DST: variants seen among roughly 807,000 people sequenced by gnomAD.
The protein encoded by DST is dystonin.
Under a neutral mutation model 875.2 loss-of-function variants are expected in DST, and 253 were observed. The observed-to-expected ratio is 0.29, with a 90% confidence interval of 0.26 to 0.32. The LOEUF (loss-of-function observed/expected upper bound fraction) is 0.32, where lower values mean the gene tolerates loss of function less well. DST is among the 10% of genes least tolerant of loss of function. DST has a pLI of 1.00. For synonymous variants in DST, 3,124 were observed against 3,197.1 expected (o/e 0.98, Z 0.77); for missense variants, 8,287 against 9,111.6 (o/e 0.91, Z 3.68).
At chr6:56,462,439 CT>C (rs2094381646) in intron 102 of DST, among the ~76,000 whole-genome samples, 1 of 152,132 alleles carries the variant, frequency 6.6e-6, no homozygotes, top group Admixed American at 6.5e-5. Context: ...CATTTATTAC[CT>C]GTTGAAAATG....
intron 2 of DST, among the ~76,000 whole-genome samples, chr6:56,950,141 T>A (rs78939115): frequency 0.023 from 3,523 of 152,326 alleles, 138 homozygotes; most frequent in African/African-American, 0.08. Context: ...CTTGTGTTAC[T>A]CAGTCCTTAT....
chr6:56,535,792 T>A (rs902701587), intron 62 of DST, among the ~76,000 whole-genome samples: 1 of 152,148 alleles, frequency 6.6e-6, no homozygotes, highest in Non-Finnish European at 1.5e-5. Flanking sequence ...AGCTCTGGAG[T>A]CTTTTTTCAA....
At position 56,503,594 on chromosome 6, in the gene DST, T is replaced by TACACACACACACAC. The variant is rs10637850; in HGVS notation, c.19566+389_19566+402dup. ...ATACATCTCTCTCTCTACCTATACA[T>TACACACACACACAC]ACACACACACACACACACACACACA... On this transcript the variant is annotated intron_variant, in intron 78 of 103. Coordinates refer to ENST00000680361, the MANE Select transcript of DST (RefSeq NM_001374736.1). 4.6e-3 allele frequency among the ~76,000 whole-genome samples: 650 copies of TACACACACACACAC among 140,806 alleles called. 5 individuals are homozygous for TACACACACACACAC. The highest frequency in any genetic ancestry group is 0.011 in the African/African-American group (429 of 37,672). The allele number at this position is 140,806 out of a possible 152,430, so 92.4% of individuals were successfully genotyped here.
In DST at chr6:56,603,954, C is replaced by G. The variant is rs1205082029; in HGVS notation, c.10674G>C (p.Trp3558Cys). ...KEIGLESSTV[W>C]ASTLPRDEKL... Reference sequence around the variant, plus strand: ...TCTCATCTCTTGGCAATGTTGATGCCCACACAGTAGAGCTTTCTAGTCCAA... The same window carrying G: ...TCTCATCTCTTGGCAATGTTGATGCGCACACAGTAGAGCTTTCTAGTCCAA... Residue 3558 changes from tryptophan (W) to cysteine (C), a missense_variant, in exon 40 of 104, where the codon TGG (tryptophan) becomes TGC (cysteine). Around this residue, in one of 10 missense-constraint regions of DST, gnomAD observed 3,138 missense variants for 3,116.6 expected, o/e 1.01. Coordinates refer to ENST00000680361, the MANE Select transcript of DST (RefSeq NM_001374736.1). 4 of 1,611,266 alleles carry G rather than the reference C, an allele frequency of 2.5e-6. No homozygotes were observed. Among genetic ancestry groups the G allele is most frequent in the Non-Finnish European group, 3.4e-6 (4 of 1,178,522 alleles).
intron 63 of DST, among the ~76,000 whole-genome samples, chr6:56,532,963 T>C (rs2096922589): frequency 6.6e-6 from 1 of 152,186 alleles, no homozygotes; most frequent in African/African-American, 2.4e-5. Flanking sequence ...AAACAATCCA[T>C]TATAGACAAG....
At chr6:56,627,101 A>G in intron 34 of DST, 103 bp downstream of exon 34, 1 of 909,740 alleles carries the variant, frequency 1.1e-6, no homozygotes, top group Non-Finnish European at 1.8e-6. Context: ...TCAAATGAAG[A>G]TTCTTTTAAA....
chr6:56,838,814 T>C (rs910415254), intron 4 of DST, among the ~76,000 whole-genome samples: 2 of 152,254 alleles, frequency 1.3e-5, no homozygotes, highest in African/African-American at 4.8e-5. Flanking sequence ...ACCCATGTTG[T>C]AACATAAAAC....
chr6:56,469,309 G>A (rs1377173383), intron 97 of DST, among the ~76,000 whole-genome samples: 2 of 151,314 alleles, frequency 1.3e-5, no homozygotes, highest in African/African-American at 4.9e-5. Context: ...GGGAAACTCA[G>A]CACATTTCTT....
chr6:56,475,600 T>C (rs965003902), intron 92 of DST, among the ~76,000 whole-genome samples: 4 of 152,204 alleles, frequency 2.6e-5, no homozygotes, highest in African/African-American at 9.7e-5. Context: ...CTGCTTTTCC[T>C]AAGAAAGACA....
intron 4 of DST, among the ~76,000 whole-genome samples, chr6:56,746,901 C>T (rs757325725): frequency 1.3e-5 from 2 of 152,042 alleles, no homozygotes; most frequent in African/African-American, 4.8e-5. Context: ...GCACTCCAGG[C>T]GTGACTGGAC....
intron 3 of DST, among the ~76,000 whole-genome samples, chr6:56,894,917 C>T (rs1224964400): frequency 1.1e-4 from 7 of 65,430 alleles, no homozygotes; most frequent in Admixed American, 3.3e-4. Flanking sequence ...CCTCACTTCC[C>T]AGTAGGGGCG....
rs2099767365 is a variant in DST at position 56,817,062 on chromosome 6, A to C, written c.625+34335T>G. ...TCTTGACCCATGGAAATAGTGAGAT[A>C]AATGGGTGTAGCTTTAAGCCACTTA... On this transcript the variant is annotated intron_variant, in intron 4 of 103. Transcript: ENST00000680361. 2.6e-5 allele frequency among the ~76,000 whole-genome samples: 4 copies of C among 151,540 alleles called. 1 individual carries two copies. In the South Asian group the frequency reaches 8.3e-4, roughly 31 times the overall value.
At chr6:56,664,308 A>T (rs545060418) in intron 10 of DST, among the ~76,000 whole-genome samples, 1 of 152,330 alleles carries the variant, frequency 6.6e-6, no homozygotes, top group South Asian at 2.1e-4. Flanking sequence ...CTTGGAGAGA[A>T]TGAGAGAAGC....
intron 59 of DST, 53 bp downstream of exon 59, chr6:56,557,266 C>T (rs1313860499): frequency 1.3e-6 from 2 of 1,519,460 alleles, no homozygotes; most frequent in South Asian, 2.4e-5. Context: ...AAACATTGGT[C>T]TCAGTAAGTC....
At chr6:56,689,374 A>AT (rs1375082834) in intron 9 of DST, among the ~76,000 whole-genome samples, 1 of 152,190 alleles carries the variant, frequency 6.6e-6, no homozygotes, top group Non-Finnish European at 1.5e-5. Flanking sequence ...CGTAGTCCAC[A>AT]TTGCTTATCA....
chr6:56,646,249 C>A, intron 13 of DST, 67 bp from the exon 14 acceptor site: 1 of 883,176 alleles, frequency 1.1e-6, no homozygotes, highest in South Asian at 1.8e-5. Context: ...TCTCACTAAG[C>A]CACCACTTCA....
In DST at chr6:56,471,277, A is replaced by G. The variant is rs775737989; in HGVS notation, c.22159-9T>C. The stretch of plus-strand genomic sequence containing the variant: ...TTAGCAAATTCCCTCAGCTAAAAGG[A>G]CAAAAAGTATTTTGATTGAGTTAAT... On this transcript the variant is annotated splice_polypyrimidine_tract_variant and intron_variant, in intron 94 of 103. Coordinates refer to ENST00000680361, the MANE Select transcript of DST (RefSeq NM_001374736.1). 6.4e-7 allele frequency: 1 copy of G among 1,569,060 alleles called. No individual in the cohort carries two copies. The highest frequency in any genetic ancestry group is 8.7e-7 in the Non-Finnish European group (1 of 1,155,578).
At chr6:56,469,580 A>C (rs1194441254) in intron 97 of DST, among the ~76,000 whole-genome samples, 8 of 152,178 alleles carry the variant, frequency 5.3e-5, no homozygotes, top group African/African-American at 1.4e-4. Context: ...ACCTCTAATC[A>C]TAACAAAATA....
intron 9 of DST, among the ~76,000 whole-genome samples, chr6:56,697,929 CA>C (rs1163092320): frequency 7.2e-5 from 11 of 152,320 alleles, no homozygotes; most frequent in Non-Finnish European, 1.2e-4. Flanking sequence ...ATTCTGATAA[CA>C]AGGTCTGGTT....
Sources: gnomAD v4.1 joint callset for allele counts (sites outside exome capture counted in the v4.1 genomes callset) on GRCh38, gnomAD v4.1.1 for gene constraint, gnomAD v4.1.1 regional missense constraint, MANE v1.5 for transcripts, NCBI Gene and HGNC (gene_info 2026-07-23, HGNC 2026-07-21) for gene names.